Variants in ST3GAL6 observed in about 807,000 individuals in gnomAD.
ST3GAL6 encodes ST3 beta-galactoside alpha-2,3-sialyltransferase 6.
Under a neutral mutation model 40.5 loss-of-function variants are expected in ST3GAL6, and 31 were observed. The ratio of observed to expected loss-of-function variants is 0.77; its 90% CI spans 0.58 to 1.03. ST3GAL6 has a LOEUF of 1.03. Ranked by LOEUF, ST3GAL6 falls within the 50% of genes least tolerant of loss-of-function variation. The probability of loss-of-function intolerance (pLI) is 0.00; values close to 1 mark genes in which losing one functional copy is unlikely to be tolerated. For synonymous variants in ST3GAL6, 129 were observed against 136.9 expected (o/e 0.94, Z 0.40); for missense variants, 357 against 393.2 (o/e 0.91, Z 0.78).
chr3:98,763,274 C>G (rs1937977433), upstream of ST3GAL6: 2 of 1,274,964 alleles, frequency 1.6e-6, no homozygotes, highest in Non-Finnish European at 2.0e-6. Flanking sequence ...GTAATAAGTA[C>G]AAAGAGGAAG....
intron 5 of ST3GAL6, among the ~76,000 whole-genome samples, chr3:98,774,511 T>C (rs1408910699): frequency 6.6e-6 from 1 of 152,276 alleles, no homozygotes; most frequent in African/African-American, 2.4e-5. Context: ...AATTTTGTCA[T>C]TAAATAACCC....
chr3:98,754,184 A>G (rs1254947278), intron 1 of ST3GAL6, among the ~76,000 whole-genome samples: 4 of 152,232 alleles, frequency 2.6e-5, no homozygotes, highest in African/African-American at 9.6e-5. Flanking sequence ...TCTGGAAAGA[A>G]TTCACCATTC....
chr3:98,735,158 A>G (rs1330223707), intron 1 of ST3GAL6, among the ~76,000 whole-genome samples: 1 of 152,200 alleles, frequency 6.6e-6, no homozygotes, highest in African/African-American at 2.4e-5. Context: ...CAAGAAAGGA[A>G]TTTTTAGCCC....
intron 1 of ST3GAL6, chr3:98,756,588 C>T (rs1937435150): frequency 2.5e-6 from 3 of 1,177,450 alleles, no homozygotes; most frequent in Non-Finnish European, 3.2e-6. Context: ...TAAATGTAAA[C>T]TTGAGCACTT....
chr3:98,766,708 AC>A (rs1938392924), intron 1 of ST3GAL6, among the ~76,000 whole-genome samples: 1 of 152,194 alleles, frequency 6.6e-6, no homozygotes, highest in African/African-American at 2.4e-5. Flanking sequence ...GGCATGAGCC[AC>A]TGCGCCCAGC....
intron 1 of ST3GAL6, among the ~76,000 whole-genome samples, chr3:98,734,222 C>T (rs1017769759): frequency 1.8e-4 from 27 of 152,316 alleles, no homozygotes; most frequent in African/African-American, 6.5e-4. Flanking sequence ...AACATCTGCT[C>T]AGGCTGCCAG....
intron 1 of ST3GAL6, chr3:98,732,848 G>C (rs1045179708): frequency 6.6e-6 from 10 of 1,507,270 alleles, no homozygotes; most frequent in African/African-American, 5.7e-5. Context: ...TGCCGGCCTC[G>C]GGCTTCTGCG....
intron 1 of ST3GAL6, among the ~76,000 whole-genome samples, chr3:98,755,605 C>A (rs960806551): frequency 1.3e-5 from 2 of 152,088 alleles, no homozygotes; most frequent in African/African-American, 4.8e-5. Flanking sequence ...CTTAAATAGG[C>A]AAAATACCGG....
upstream of ST3GAL6, chr3:98,762,937 C>T (rs1937943799): frequency 5.1e-6 from 5 of 985,450 alleles, no homozygotes; most frequent in South Asian, 1.9e-4. Flanking sequence ...TTTACATGAT[C>T]ATCGCTGCCA....
At position 98,791,984 on chromosome 3, in the gene ST3GAL6, G is replaced by T. The variant is rs920225434; in HGVS notation, c.900G>T (p.Leu300Phe). 1 of 1,612,998 alleles carries T rather than the reference G, an allele frequency of 6.2e-7. No individual in the cohort carries two copies. Among genetic ancestry groups the T allele is most frequent in the African/African-American group, 1.3e-5 (1 of 74,970 alleles). Residue 300 changes from leucine (L) to phenylalanine (F), a missense_variant, in exon 9 of 10, where the codon TTG becomes TTT. Physicochemically the swap from Leu to Phe is conservative, Grantham distance 22. Coordinates refer to ENST00000483910, the MANE Select transcript of ST3GAL6 (RefSeq NM_001323368.2). ...LHYYGNATMS[L>F]MNKNAYHNVT... ...ACTATGGGAATGCCACCATGTCTTT[G>T]ATGAATAAGGTAATATACTGTACTT...
intron 1 of ST3GAL6, among the ~76,000 whole-genome samples, chr3:98,765,460 T>G (rs1227312457): frequency 6.6e-6 from 1 of 152,186 alleles, no homozygotes; most frequent in Non-Finnish European, 1.5e-5. Context: ...GAGCCTTAAA[T>G]GGAGGGATGG....
At chr3:98,754,298 C>T (rs1293960228) in intron 1 of ST3GAL6, among the ~76,000 whole-genome samples, 1 of 152,164 alleles carries the variant, frequency 6.6e-6, no homozygotes, top group Non-Finnish European at 1.5e-5. Flanking sequence ...ACTTTGAGGG[C>T]TTCCAGATTG....
chr3:98,763,375 T>G lies in ST3GAL6; in HGVS notation c.-76T>G. 2.3e-6 allele frequency: 3 copies of G among 1,289,846 alleles called. No homozygotes were observed. The highest frequency in any genetic ancestry group is 3.0e-6 in the Non-Finnish European group (3 of 988,866). 79.9% of individuals were successfully genotyped at this position (1,289,846 alleles called of 1,614,324 possible). Reference sequence around the variant, plus strand: ...GAAGACCAGCAGAGACTAGGATGGATGACGGCCTGTCCAGGGGCTGAATGG... The same window carrying G: ...GAAGACCAGCAGAGACTAGGATGGAGGACGGCCTGTCCAGGGGCTGAATGG... On this transcript the variant is annotated 5_prime_UTR_variant, in exon 1 of 10. An upstream start codon of the reference 5' UTR is lost. Transcript: ENST00000483910.
intron 6 of ST3GAL6, among the ~76,000 whole-genome samples, chr3:98,786,808 G>GTGTGGT (rs1235828529): frequency 6.6e-6 from 1 of 152,012 alleles, no homozygotes; most frequent in Non-Finnish European, 1.5e-5. Context: ...CAGAACACAA[G>GTGTGGT]TGTGGTTAAT....
chr3:98,743,732 A>G (rs943010993), intron 1 of ST3GAL6, among the ~76,000 whole-genome samples: 1 of 152,164 alleles, frequency 6.6e-6, no homozygotes, highest in Non-Finnish European at 1.5e-5. Context: ...TACTACTCAC[A>G]TGTAACCACT....
At chr3:98,733,592 G>A in intron 1 of ST3GAL6, 1 of 985,436 alleles carries the variant, frequency 1.0e-6, no homozygotes, top group Non-Finnish European at 1.2e-6. Context: ...AAGGAGGACG[G>A]TGAGTAAATT....
chr3:98,733,389 G>T, intron 1 of ST3GAL6: 1 of 1,035,660 alleles, frequency 9.7e-7, no homozygotes. Context: ...GCGAGGTTGT[G>T]CAATTGGGAA....
chr3:98,785,077 T>A (rs1263882385), intron 6 of ST3GAL6, 37 bp downstream of exon 6: 2 of 1,429,726 alleles, frequency 1.4e-6, no homozygotes, highest in African/African-American at 2.8e-5. Flanking sequence ...TAGAATTGTT[T>A]CAAAAGAATA....
At chr3:98,776,265 G>A (rs1939538213) in intron 5 of ST3GAL6, among the ~76,000 whole-genome samples, 1 of 152,186 alleles carries the variant, frequency 6.6e-6, no homozygotes, top group Non-Finnish European at 1.5e-5. Context: ...TACATTTTTA[G>A]TAAACTCCAG....
Sources: gnomAD v4.1 joint callset for allele counts (sites outside exome capture counted in the v4.1 genomes callset) on GRCh38, gnomAD v4.1.1 for gene constraint, MANE v1.5 for transcripts, NCBI Gene and HGNC (gene_info 2026-07-23, HGNC 2026-07-21) for gene names.